TENM3: variants seen among roughly 807,000 people sequenced by gnomAD.
TENM3 encodes teneurin-3.
A neutral mutation model predicts 255.1 loss-of-function variants in TENM3; 63 were observed. The observed-to-expected ratio is 0.25, with a 90% CI of 0.20 to 0.30. TENM3 has a LOEUF of 0.30. TENM3 is among the 10% of genes least tolerant of loss of function. The pLI is 1.00. For missense variants in TENM3, 2,929 were observed against 3,461.1 expected, an observed-to-expected ratio of 0.85 and a Z score of 3.86; for synonymous variants, 1,306 against 1,322.3, an observed-to-expected ratio of 0.99 and a Z score of 0.27.
chr4:181,737,354 A>T, the TENM3 span, among the ~76,000 whole-genome samples: 1 of 152,182 alleles, frequency 6.6e-6, no homozygotes, highest in Non-Finnish European at 1.5e-5. Flanking sequence ...TTTAAGCAAT[A>T]AGAAAATTCA....
chr4:182,087,692 C>T, the TENM3 span, among the ~76,000 whole-genome samples: 1 of 151,964 alleles, frequency 6.6e-6, no homozygotes. Flanking sequence ...AATCGCTCTC[C>T]ATTCGGGGAC....
rs35538818 is a variant in TENM3 at position 182,701,210 on chromosome 4, C to CTTTTTTTT, written c.2222-12856_2222-12849dup. 3.5e-3 allele frequency among the ~76,000 whole-genome samples: 137 copies of CTTTTTTTT among 38,666 alleles called. 58 individuals carry two copies. The highest frequency in any genetic ancestry group is 0.067 in the Middle Eastern group (2 of 30). 25.4% of individuals were successfully genotyped at this position (38,666 alleles called of 152,430 possible). ...TTTTCACATACAGTCCAACTCTTGA[C>CTTTTTTTT]TTTTTTTTTTTTTTTTTTTTTTTTT... On this transcript the variant is annotated intron_variant, in intron 12 of 27. Transcript: ENST00000511685.
chr4:181,762,918 T>TAAA, the TENM3 span, among the ~76,000 whole-genome samples: 1 of 149,996 alleles, frequency 6.7e-6, no homozygotes, highest in Non-Finnish European at 1.5e-5. Flanking sequence ...ACAGTGGTAG[T>TAAA]AAAAAAAAAA....
chr4:182,800,211 G>T lies in TENM3; in HGVS notation c.7960G>T (p.Glu2654Ter). The T allele has an allele frequency of 1.3e-6, 2 of 1,591,242 alleles. No individual in the cohort carries two copies. Among genetic ancestry groups the T allele is most frequent in the Non-Finnish European group, 1.7e-6 (2 of 1,176,738 alleles). The change falls in exon 28 of 28, where the codon GAG becomes TAG. Residue 2654 changes from glutamate (E) to a stop codon, truncating the protein, a stop_gained. Transcript: ENST00000511685. LOFTEE classifies it high-confidence loss of function. Reference sequence around the variant, plus strand: ...GGGCGCGCGCCTCTGGACGGAGGGCGAGAAGCGGCAGCTGCTGAGCGCCGG... The same window carrying T: ...GGGCGCGCGCCTCTGGACGGAGGGCTAGAAGCGGCAGCTGCTGAGCGCCGG... ...EEGARLWTEG[E>*]KRQLLSAGKV...
At chr4:181,660,596 A>C in the TENM3 span, among the ~76,000 whole-genome samples, 1 of 152,218 alleles carries the variant, frequency 6.6e-6, no homozygotes, top group African/African-American at 2.4e-5. Flanking sequence ...AGTCTTATTA[A>C]AAAGAAAATA....
chr4:182,044,039 G>C, the TENM3 span, among the ~76,000 whole-genome samples: 1 of 152,154 alleles, frequency 6.6e-6, no homozygotes, highest in African/African-American at 2.4e-5. Flanking sequence ...GAATGTTATA[G>C]TGTTCCTCTG....
the TENM3 span, among the ~76,000 whole-genome samples, chr4:181,995,193 G>A: frequency 1.3e-5 from 2 of 152,108 alleles, no homozygotes; most frequent in Non-Finnish European, 2.9e-5. Context: ...GGGAGGCTGA[G>A]GCAGGAGAAT....
the TENM3 span, among the ~76,000 whole-genome samples, chr4:181,783,193 G>A: frequency 5.3e-4 from 80 of 152,248 alleles, no homozygotes; most frequent in African/African-American, 1.5e-3. Context: ...TTTCTGTCTC[G>A]TTGATCTGTC....
the TENM3 span, among the ~76,000 whole-genome samples, chr4:182,109,223 T>C: frequency 7.4e-6 from 1 of 135,958 alleles, no homozygotes; most frequent in Non-Finnish European, 1.7e-5. Flanking sequence ...ATATATATTA[T>C]CATTTATAAA....
chr4:182,698,194 T>C (rs967549574), intron 12 of TENM3: 1 of 152,168 alleles, frequency 6.6e-6, no homozygotes, highest in Non-Finnish European at 1.5e-5. Context: ...TTTGAAACTT[T>C]AGTAAGTTTG....
chr4:181,655,610 G>T, the TENM3 span, among the ~76,000 whole-genome samples: 1 of 152,180 alleles, frequency 6.6e-6, no homozygotes, highest in Admixed American at 6.5e-5. Context: ...AGCATGTATG[G>T]CAGAGGCCCC....
At chr4:181,684,388 A>G in the TENM3 span, among the ~76,000 whole-genome samples, 2 of 152,164 alleles carry the variant, frequency 1.3e-5, no homozygotes, top group East Asian at 3.9e-4. Flanking sequence ...CCTTCACAAT[A>G]TGTAAAGAAA....
At chr4:182,242,879 T>A (rs1757369233), upstream of TENM3, among the ~76,000 whole-genome samples, 1 of 152,196 alleles carries the variant, frequency 6.6e-6, no homozygotes, top group Admixed American at 6.5e-5. Flanking sequence ...GTAGTGCTTA[T>A]CAGAGATGGA....
the TENM3 span, among the ~76,000 whole-genome samples, chr4:181,638,138 C>T: frequency 6.6e-6 from 1 of 152,106 alleles, no homozygotes; most frequent in Non-Finnish European, 1.5e-5. Context: ...TTGGTTTATT[C>T]AAAATCAAGA....
the TENM3 span, among the ~76,000 whole-genome samples, chr4:181,459,678 T>C: frequency 6.6e-6 from 1 of 152,030 alleles, no homozygotes; most frequent in East Asian, 1.9e-4. Flanking sequence ...TCCGTGCCAT[T>C]GATCTTTATG....
chr4:182,690,516 AC>A (rs1311343827), intron 12 of TENM3, among the ~76,000 whole-genome samples: 8 of 152,278 alleles, frequency 5.3e-5, no homozygotes, highest in African/African-American at 1.9e-4. Flanking sequence ...TTGTGACTCC[AC>A]CACCCGATAC....
the TENM3 span, among the ~76,000 whole-genome samples, chr4:181,921,201 T>A: frequency 6.6e-6 from 1 of 152,208 alleles, no homozygotes; most frequent in Non-Finnish European, 1.5e-5. Context: ...GGCTTAGGAT[T>A]GACTTGGCAG....
intron 3 of TENM3, among the ~76,000 whole-genome samples, chr4:182,469,280 G>T (rs747635172): frequency 1.8e-4 from 28 of 152,034 alleles, no homozygotes; most frequent in Non-Finnish European, 3.1e-4. Flanking sequence ...TAATTTTATT[G>T]TAATAAAATT....
the TENM3 span, among the ~76,000 whole-genome samples, chr4:181,871,903 A>C: frequency 2.6e-5 from 4 of 152,156 alleles, no homozygotes; most frequent in African/African-American, 9.6e-5. Flanking sequence ...CATTCCTGGG[A>C]TAAACCCTCA....
Sources: gnomAD v4.1 joint callset for allele counts (sites outside exome capture counted in the v4.1 genomes callset) on GRCh38, gnomAD v4.1.1 for gene constraint, MANE v1.5 for transcripts, NCBI Gene and HGNC (gene_info 2026-07-23, HGNC 2026-07-21) for gene names.